ASTN2: variants seen among roughly 807,000 people sequenced by gnomAD.
The protein encoded by ASTN2 is astrotactin 2, also known as astrotactin-2.
Under a neutral mutation model 139.8 loss-of-function variants are expected in ASTN2, and 54 were observed. The ratio of observed to expected loss-of-function variants is 0.39; its 90% CI spans 0.31 to 0.48. The LOEUF (loss-of-function observed/expected upper bound fraction) is 0.48. ASTN2 is among the 20% of genes least tolerant of loss of function. The probability of loss-of-function intolerance (pLI) is 0.95; values close to 1 mark genes in which losing one functional copy is unlikely to be tolerated. For synonymous variants in ASTN2, 756 were observed against 719.5 expected, an observed-to-expected ratio of 1.05 and a Z score of -0.81; for missense variants, 1,565 against 1,725.1, an observed-to-expected ratio of 0.91 and a Z score of 1.64.
chr9:117,363,627 G>T (rs1215952824), intron 1 of ASTN2, among the ~76,000 whole-genome samples: 1 of 152,144 alleles, frequency 6.6e-6, no homozygotes, highest in Non-Finnish European at 1.5e-5. Context: ...TTACAGTTAA[G>T]GGCCTCAGAG....
chr9:117,340,570 G>C (rs1294214731), intron 1 of ASTN2, among the ~76,000 whole-genome samples: 1 of 152,060 alleles, frequency 6.6e-6, no homozygotes, highest in Non-Finnish European at 1.5e-5. Context: ...GAAGAAGCTT[G>C]TTATTGGAGC....
chr9:116,981,817 T>C (rs1241261925), intron 7 of ASTN2, among the ~76,000 whole-genome samples: 1 of 152,230 alleles, frequency 6.6e-6, no homozygotes, highest in Non-Finnish European at 1.5e-5. Context: ...GTATATGTTG[T>C]TAGTAATGGA....
intron 13 of ASTN2, among the ~76,000 whole-genome samples, chr9:116,768,061 G>A (rs1829855489): frequency 6.6e-6 from 1 of 152,130 alleles, no homozygotes; most frequent in Non-Finnish European, 1.5e-5. Context: ...TTGTCTTCAA[G>A]CACTTAGCAG....
At chr9:116,791,015 GA>G (rs1564269115) in intron 13 of ASTN2, among the ~76,000 whole-genome samples, 1 of 126,902 alleles carries the variant, frequency 7.9e-6, no homozygotes, top group East Asian at 5.1e-4. Context: ...AAGAAAGAAA[GA>G]AAGAAAGAAA....
chr9:116,732,693 A>G (rs1327248238), intron 14 of ASTN2, among the ~76,000 whole-genome samples: 1 of 152,198 alleles, frequency 6.6e-6, no homozygotes, highest in African/African-American at 2.4e-5. Context: ...GTTGGACAGA[A>G]AATATGGAGT....
intron 19 of ASTN2, among the ~76,000 whole-genome samples, chr9:116,609,326 C>CTATATATATATATA (rs549657082): frequency 1.8e-5 from 2 of 113,618 alleles, no homozygotes; most frequent in African/African-American, 6.5e-5. Flanking sequence ...CTCTCTCTCT[C>CTATATATATATATA]TCTATATATA....
At chr9:116,437,548 CCA>C (rs1201373485) in intron 22 of ASTN2, 2 of 471,076 alleles carry the variant, frequency 4.2e-6, no homozygotes, top group African/African-American at 4.0e-5. Flanking sequence ...GGCCGCCTTT[CCA>C]GAAGATTTAT....
chr9:116,791,337 T>C (rs1223182888), intron 13 of ASTN2, among the ~76,000 whole-genome samples: 1 of 152,232 alleles, frequency 6.6e-6, no homozygotes, highest in African/African-American at 2.4e-5. Context: ...ACTTCTGAGG[T>C]GTGATTTCTT....
intron 2 of ASTN2, among the ~76,000 whole-genome samples, chr9:117,260,096 T>A (rs757265572): frequency 2.0e-5 from 3 of 152,154 alleles, no homozygotes; most frequent in Non-Finnish European, 4.4e-5. Flanking sequence ...ATTTTGGAAT[T>A]CTCATGGGCT....
chr9:116,887,140 A>G (rs751409583), intron 10 of ASTN2, among the ~76,000 whole-genome samples: 30 of 152,176 alleles, frequency 2.0e-4, no homozygotes, highest in Non-Finnish European at 4.0e-4. Flanking sequence ...CCTATTTCAT[A>G]AGGTTGTTGG....
chr9:116,560,868 G>C (rs1043384755), intron 19 of ASTN2, among the ~76,000 whole-genome samples: 1 of 152,166 alleles, frequency 6.6e-6, no homozygotes, highest in Non-Finnish European at 1.5e-5. Context: ...TAGTCAGAAA[G>C]CTTCTCAGAA....
At chr9:117,060,484 GGAA>G (rs1839246509) in intron 5 of ASTN2, among the ~76,000 whole-genome samples, 1 of 57,938 alleles carries the variant, frequency 1.7e-5, no homozygotes, top group East Asian at 5.7e-4. Context: ...AAGGAAGGAA[GGAA>G]TGAAAGAAAG....
chr9:116,431,848 T>C (rs1588051418), intron 22 of ASTN2, among the ~76,000 whole-genome samples: 1 of 152,164 alleles, frequency 6.6e-6, no homozygotes, highest in South Asian at 2.1e-4. Flanking sequence ...TCCTCTGCTG[T>C]AAGGCATCAA....
chr9:116,708,806 C>T (rs1828063688), intron 16 of ASTN2, among the ~76,000 whole-genome samples: 1 of 152,178 alleles, frequency 6.6e-6, no homozygotes, highest in South Asian at 2.1e-4. Context: ...GCATATTTCT[C>T]ATTTACAAAT....
chr9:117,392,866 G>C (rs949221569), intron 1 of ASTN2, among the ~76,000 whole-genome samples: 1 of 152,156 alleles, frequency 6.6e-6, no homozygotes, highest in African/African-American at 2.4e-5. Context: ...TACAGAAAAA[G>C]AGCTTTGCAA....
chr9:117,198,621 T>C (rs1460937044), intron 3 of ASTN2, among the ~76,000 whole-genome samples: 4 of 152,160 alleles, frequency 2.6e-5, no homozygotes, highest in Admixed American at 6.5e-5. Flanking sequence ...TGTATCTTTA[T>C]AGAATGATTT....
At chr9:117,182,414 G>A (rs1161215409) in intron 3 of ASTN2, among the ~76,000 whole-genome samples, 1 of 152,046 alleles carries the variant, frequency 6.6e-6, no homozygotes, top group African/African-American at 2.4e-5. Flanking sequence ...CCACTGATCT[G>A]AGCAGAGTGT....
chr9:117,131,046 C>A (rs116174181), intron 4 of ASTN2, among the ~76,000 whole-genome samples: 2,319 of 152,268 alleles, frequency 0.015, 52 homozygotes, highest in African/African-American at 0.053. Flanking sequence ...TTGATTACAG[C>A]TGAATTAGAA....
intron 20 of ASTN2, among the ~76,000 whole-genome samples, chr9:116,443,264 A>T (rs1847891972): frequency 2.6e-5 from 4 of 152,120 alleles, no homozygotes; most frequent in Admixed American, 2.6e-4. Flanking sequence ...TCTAGGTAGG[A>T]TGCTCAGTAA....
Sources: gnomAD v4.1 joint callset for allele counts (sites outside exome capture counted in the v4.1 genomes callset) on GRCh38, gnomAD v4.1.1 for gene constraint, MANE v1.5 for transcripts, NCBI Gene and HGNC (gene_info 2026-07-23, HGNC 2026-07-21) for gene names.